Variants in NUP214 observed in about 807,000 individuals in gnomAD.
The protein encoded by NUP214 is nuclear pore complex protein Nup214.
In NUP214, 79 loss-of-function variants were observed where a neutral mutation model predicts 196.2. The observed-to-expected ratio is 0.40, with a 90% CI of 0.34 to 0.49. The LOEUF is 0.49. Among genes scored for constraint, NUP214 ranks in the 20% least tolerant of loss-of-function variants. The pLI is 0.58. For missense variants in NUP214, 2,468 were observed against 2,539.0 expected (o/e 0.97, Z 0.60); for synonymous variants, 1,020 against 990.5 (o/e 1.03, Z -0.56).
Position 131,150,600 on chromosome 9 carries a change from C to T in NUP214, c.2128-16C>T, listed in dbSNP as rs1432756527. On this transcript the variant is annotated splice_polypyrimidine_tract_variant and intron_variant, in intron 15 of 35. Transcript: ENST00000359428. ...GTCCTTCAGACTGAGTAGTTCCTCACTTGTGGCTTCTACAGATTGCACACT... is the reference window on the plus strand; with the variant it reads ...GTCCTTCAGACTGAGTAGTTCCTCATTTGTGGCTTCTACAGATTGCACACT... The T allele has an allele frequency of 1.1e-5, 17 of 1,609,092 alleles. No individual in the cohort carries two copies. Among genetic ancestry groups the T allele is most frequent in the Admixed American group, 1.7e-5 (1 of 58,906 alleles).
At chr9:131,195,194 G>T in intron 27 of NUP214, 39 bp from the exon 28 acceptor site, 2 of 1,467,792 alleles carry the variant, frequency 1.4e-6, no homozygotes, top group Non-Finnish European at 1.9e-6. Context: ...ATTGTGCCTT[G>T]GTTTGTTCCT....
At chr9:131,217,260 A>G (rs1834428966) in intron 31 of NUP214, among the ~76,000 whole-genome samples, 1 of 152,254 alleles carries the variant, frequency 6.6e-6, no homozygotes, top group Non-Finnish European at 1.5e-5. Context: ...ATTATTGTCA[A>G]GAGACACATA....
chr9:131,131,842 C>T (rs1831553259), intron 5 of NUP214, among the ~76,000 whole-genome samples: 1 of 151,890 alleles, frequency 6.6e-6, no homozygotes, highest in African/African-American at 2.4e-5. Flanking sequence ...GCACTTGCCA[C>T]CATGCACAGC....
chr9:131,224,685 C>T (rs941055978), intron 32 of NUP214, among the ~76,000 whole-genome samples: 7 of 152,146 alleles, frequency 4.6e-5, no homozygotes, highest in African/African-American at 1.4e-4. Flanking sequence ...CTTAGTCTTT[C>T]TTTGGTTGCT....
At position 131,200,421 on chromosome 9, in the gene NUP214, C is replaced by G. The variant is rs146561305; in HGVS notation, c.5522-1226C>G. On this transcript the variant is annotated intron_variant, in intron 29 of 35. Coordinates refer to ENST00000359428, the MANE Select transcript of NUP214 (RefSeq NM_005085.4). ...TAAAACCCCATCTCTACTAAAAACA[C>G]AAACATTGCCGGGCGCGGTGGCTCA... 2.0e-5 allele frequency among the ~76,000 whole-genome samples: 3 copies of G among 152,258 alleles called. No homozygotes were observed. The East Asian group carries it at 5.8e-4, about 29-fold the overall frequency.
chr9:131,141,654 T>C (rs1831919676), intron 11 of NUP214: 1 of 152,040 alleles, frequency 6.6e-6, no homozygotes, highest in African/African-American at 2.4e-5. Flanking sequence ...ATTTTTTAAA[T>C]GTTTTGTAGA....
At chr9:131,182,374 C>G (rs1350317055) in intron 24 of NUP214, among the ~76,000 whole-genome samples, 1 of 152,272 alleles carries the variant, frequency 6.6e-6, no homozygotes, top group Non-Finnish European at 1.5e-5. Context: ...TGAGCTCCAC[C>G]TCCTGTCAGA....
At position 131,132,678 on chromosome 9, in the gene NUP214, A is replaced by T; in HGVS notation, c.727+19A>T. On this transcript the variant is annotated intron_variant, in intron 6 of 35. Coordinates refer to ENST00000359428, the MANE Select transcript of NUP214 (RefSeq NM_005085.4). ...GTCAGAGGTAACAACTGCTTTTCTT[A>T]TTGGGCTGACCTCTAATGACATGTT... is the stretch of plus-strand genomic sequence containing the variant. The T allele has an allele frequency of 6.2e-7, 1 of 1,605,704 alleles. No individual in the cohort carries two copies. The highest frequency in any genetic ancestry group is 8.5e-7 in the Non-Finnish European group (1 of 1,172,354).
In NUP214 at chr9:131,198,050, A is replaced by G; in HGVS notation, c.4556A>G (p.Glu1519Gly). Residue 1519 changes from glutamate (E) to glycine (G), a missense_variant, in exon 29 of 36, where the codon GAG becomes GGG. Glu to Gly is a moderately conservative substitution (Grantham distance 98). Transcript: ENST00000359428. ...TCAGCATCAGCAGCCTCACTTCTAG[A>G]GGAGCAACAGTCAGCCCAGCTTCCC... The part of the protein sequence containing the change: ...EVSASAASLL[E>G]EQQSAQLPQA... 3.1e-6 allele frequency: 5 copies of G among 1,614,232 alleles called. No individual in the cohort carries two copies. The highest frequency in any genetic ancestry group is 3.4e-6 in the Non-Finnish European group (4 of 1,180,036).
chr9:131,231,205 A>T (rs555339920), intron 34 of NUP214, among the ~76,000 whole-genome samples: 57 of 150,484 alleles, frequency 3.8e-4, no homozygotes, highest in Admixed American at 1.6e-3. Context: ...ATATATATAT[A>T]TTTTTGAGAC....
intron 23 of NUP214, among the ~76,000 whole-genome samples, chr9:131,176,738 A>C (rs544858093): frequency 6.6e-6 from 1 of 152,160 alleles, no homozygotes; most frequent in Non-Finnish European, 1.5e-5. Context: ...CAAACTTTCT[A>C]CTACTTTCTA....
At chr9:131,168,411 G>A (rs1832849424) in intron 21 of NUP214, among the ~76,000 whole-genome samples, 1 of 152,082 alleles carries the variant, frequency 6.6e-6, no homozygotes, top group South Asian at 2.1e-4. Flanking sequence ...TGGTAGCTGG[G>A]TGCTTTTTAC....
intron 18 of NUP214, among the ~76,000 whole-genome samples, chr9:131,161,817 G>C (rs910208295): frequency 3.3e-5 from 5 of 152,244 alleles, no homozygotes; most frequent in Admixed American, 3.3e-4. Context: ...TACACTATGT[G>C]TACTTATTAC....
chr9:131,138,717 G>A (rs1169295061), intron 9 of NUP214, among the ~76,000 whole-genome samples: 1 of 152,212 alleles, frequency 6.6e-6, no homozygotes, highest in Non-Finnish European at 1.5e-5. Flanking sequence ...GGAATCTGGG[G>A]ACAGGAAAGC....
chr9:131,208,498 C>G lies in NUP214; in HGVS notation c.5593-6714C>G, dbSNP rs535886430. 2.0e-5 allele frequency among the ~76,000 whole-genome samples: 3 copies of G among 151,740 alleles called. No homozygotes were observed. The East Asian group carries it at 5.8e-4, about 30-fold the overall frequency. On this transcript the variant is annotated intron_variant, in intron 30 of 35. Transcript: ENST00000359428. ...GGATCACGAGGTCAGGAGATCGAGA[C>G]CATCCTGGCTAACACAGTGAAACCC...
rs964330236 is a variant in NUP214, at chr9:131,139,375, T to C, written c.1100T>C (p.Val367Ala). ...GACTCCTTGCCCATGGGAGTTGTCGTAGACTATACAAACCAAGTGGAAATC... is the reference window on the plus strand; with the variant it reads ...GACTCCTTGCCCATGGGAGTTGTCGCAGACTATACAAACCAAGTGGAAATC... ...SDDSLPMGVV[V>A]DYTNQVEITI... The change falls in exon 10 of 36, where the codon GTA (valine) becomes GCA (alanine). Residue 367 changes from valine to alanine, a missense_variant. Physicochemically the swap from Val to Ala is moderately conservative, Grantham distance 64. Coordinates refer to ENST00000359428, the MANE Select transcript of NUP214 (RefSeq NM_005085.4). The C allele has an allele frequency of 1.9e-6, 3 of 1,608,334 alleles. No homozygotes were observed. The highest frequency in any genetic ancestry group is 2.2e-5 in the South Asian group (2 of 89,892).
At chr9:131,208,066 AAAT>A (rs1317800165) in intron 30 of NUP214, among the ~76,000 whole-genome samples, 1 of 152,208 alleles carries the variant, frequency 6.6e-6, no homozygotes, top group African/African-American at 2.4e-5. Context: ...AAAAAGTAAA[AAAT>A]AAAAATAACC....
At chr9:131,181,581 G>T (rs934204253) in intron 24 of NUP214, among the ~76,000 whole-genome samples, 1 of 152,126 alleles carries the variant, frequency 6.6e-6, no homozygotes, top group Admixed American at 6.5e-5. Context: ...TTCCCTAATG[G>T]CTGGTGATAT....
In NUP214 at chr9:131,230,708, A is replaced by G. The variant is rs1224950958; in HGVS notation, c.6153A>G (p.Gln2051=). The change falls in exon 34 of 36, where the codon CAA becomes CAG. Residue 2051 remains glutamine, a synonymous_variant. Coordinates refer to ENST00000359428, the MANE Select transcript of NUP214 (RefSeq NM_005085.4). ...QNAPTFGSLS[Q]QTSGFGTQSS... is the part of the protein sequence containing the mutation. The stretch of plus-strand genomic sequence containing the variant: ...CCCCCACTTTCGGATCACTGTCCCA[A>G]CAGACTTCTGGTTTTGGGACCCAGA... 6.2e-7 allele frequency: 1 copy of G among 1,613,976 alleles called. No homozygotes were observed.
Sources: allele counts gnomAD v4.1 joint callset (sites outside exome capture counted in the v4.1 genomes callset), GRCh38; gene constraint gnomAD v4.1.1; transcripts MANE v1.5; gene names NCBI Gene and HGNC (gene_info 2026-07-23, HGNC 2026-07-21).